Variants in ARHGAP32 observed in about 807,000 individuals in gnomAD.
ARHGAP32 encodes rho GTPase-activating protein 32.
In ARHGAP32, 51 loss-of-function variants were observed where a neutral mutation model predicts 186.5. The observed-to-expected ratio is 0.27, with a 90% confidence interval of 0.22 to 0.35. The LOEUF is 0.35. ARHGAP32 is among the 10% of genes least tolerant of loss of function. The pLI, the probability that ARHGAP32 is intolerant of heterozygous loss-of-function variation, is 1.00. For synonymous variants in ARHGAP32, 950 were observed against 964.3 expected, an observed-to-expected ratio of 0.99 and a Z score of 0.27; for missense variants, 2,186 against 2,623.5, an observed-to-expected ratio of 0.83 and a Z score of 3.64.
intron 5 of ARHGAP32, among the ~76,000 whole-genome samples, chr11:129,109,435 T>A (rs1201284343): frequency 6.6e-6 from 1 of 152,106 alleles, no homozygotes; most frequent in East Asian, 1.9e-4. Context: ...TTTAGATACA[T>A]ATGCAGTAGT....
chr11:129,204,734 C>T (rs1944495789), intron 1 of ARHGAP32, among the ~76,000 whole-genome samples: 1 of 152,168 alleles, frequency 6.6e-6, no homozygotes, highest in East Asian at 1.9e-4. Context: ...TACTAGAGAC[C>T]ATTCAACTAC....
chr11:129,013,697 T>C (rs1938199926), intron 11 of ARHGAP32, among the ~76,000 whole-genome samples: 1 of 152,208 alleles, frequency 6.6e-6, no homozygotes, highest in Admixed American at 6.5e-5. Flanking sequence ...CAAATATAAA[T>C]CTCTTAAATT....
In ARHGAP32 at chr11:129,089,739, T is replaced by C. The variant is rs145914309; in HGVS notation, c.531+3882A>G. Reference sequence around the variant, plus strand: ...TTTACATTTTATACCATTCTGGCAGTTTATAAGGTTATAATAGATTATAGG... The same window carrying C: ...TTTACATTTTATACCATTCTGGCAGCTTATAAGGTTATAATAGATTATAGG... On this transcript the variant is annotated intron_variant, in intron 6 of 22. Coordinates refer to ENST00000682385, the MANE Select transcript of ARHGAP32 (RefSeq NM_001378024.1). 5.2e-3 allele frequency among the ~76,000 whole-genome samples: 787 copies of C among 152,316 alleles called. 4 individuals are homozygous for C. Among genetic ancestry groups the C allele is most frequent in the South Asian group, 0.01 (50 of 4,826 alleles).
intron 1 of ARHGAP32, among the ~76,000 whole-genome samples, chr11:129,172,710 A>T (rs1943794248): frequency 6.6e-6 from 1 of 152,192 alleles, no homozygotes; most frequent in African/African-American, 2.4e-5. Context: ...GAAATAAAGA[A>T]ATTAAGGCAG....
intron 12 of ARHGAP32, chr11:128,993,215 C>T (rs1274162436): frequency 6.6e-6 from 1 of 152,036 alleles, no homozygotes; most frequent in African/African-American, 2.4e-5. Flanking sequence ...TTTAGCAAAA[C>T]AAAATTTAAA....
chr11:128,977,662 C>T (rs535211326), intron 19 of ARHGAP32, among the ~76,000 whole-genome samples: 38 of 152,034 alleles, frequency 2.5e-4, no homozygotes, highest in Non-Finnish European at 5.0e-4. Context: ...CCTACCACAA[C>T]TGTCTCATGT....
At chr11:129,042,676 T>C (rs1939644788) in intron 10 of ARHGAP32, among the ~76,000 whole-genome samples, 1 of 152,214 alleles carries the variant, frequency 6.6e-6, no homozygotes. Context: ...AGGTCGTAAA[T>C]TAAACAAATG....
At chr11:129,277,448 A>G (rs145542714) in intron 1 of ARHGAP32, among the ~76,000 whole-genome samples, 8 of 152,292 alleles carry the variant, frequency 5.3e-5, no homozygotes, top group African/African-American at 1.9e-4. Context: ...CAGTTACATA[A>G]CTGGAGAAGG....
chr11:129,178,417 T>G (rs1320914128), intron 1 of ARHGAP32, among the ~76,000 whole-genome samples: 5 of 151,964 alleles, frequency 3.3e-5, no homozygotes, highest in Admixed American at 6.6e-5. Context: ...ACCAATGACT[T>G]TCTTCACAGA....
At chr11:128,985,866 A>ATATATG (rs1565357788) in intron 15 of ARHGAP32, 137 bp downstream of exon 15, 5 of 193,922 alleles carry the variant, frequency 2.6e-5, no homozygotes, top group African/African-American at 1.3e-4. Context: ...GTGTATATAT[A>ATATATG]TATATATATA....
intron 10 of ARHGAP32, among the ~76,000 whole-genome samples, chr11:129,047,156 T>C (rs143772133): frequency 1.5e-3 from 224 of 152,188 alleles, no homozygotes; most frequent in Non-Finnish European, 2.5e-3. Flanking sequence ...TTCTCTTCTA[T>C]TGGTTTATTT....
chr11:129,249,517 G>C (rs1188287282), intron 1 of ARHGAP32, among the ~76,000 whole-genome samples: 8 of 152,128 alleles, frequency 5.3e-5, no homozygotes, highest in Admixed American at 5.2e-4. Context: ...TACAATCTAA[G>C]ACACTGCTGC....
At chr11:129,220,115 A>G (rs1344367837) in intron 1 of ARHGAP32, among the ~76,000 whole-genome samples, 2 of 152,198 alleles carry the variant, frequency 1.3e-5, no homozygotes, top group Non-Finnish European at 2.9e-5. Context: ...TCACTTAACA[A>G]TGAATATGTT....
chr11:129,231,460 T>C (rs1328183755), intron 1 of ARHGAP32, among the ~76,000 whole-genome samples: 2 of 152,166 alleles, frequency 1.3e-5, no homozygotes, highest in Non-Finnish European at 2.9e-5. Flanking sequence ...TATACAACTT[T>C]AAATTTTTAA....
chr11:129,013,022 A>G (rs764213893), intron 11 of ARHGAP32, among the ~76,000 whole-genome samples: 1 of 152,236 alleles, frequency 6.6e-6, no homozygotes, highest in Non-Finnish European at 1.5e-5. Flanking sequence ...GACATTAGGT[A>G]ACTGACTCTG....
intron 11 of ARHGAP32, among the ~76,000 whole-genome samples, chr11:129,004,245 C>CTTTTTTTTTTTT (rs71057919): frequency 1.7e-5 from 2 of 116,384 alleles, no homozygotes; most frequent in Admixed American, 9.2e-5. Context: ...CAATGCTTTC[C>CTTTTTTTTTTTT]TTTTTTTTTT....
chr11:129,230,946 C>G (rs184839554), intron 1 of ARHGAP32, among the ~76,000 whole-genome samples: 13 of 152,126 alleles, frequency 8.5e-5, no homozygotes, highest in Non-Finnish European at 1.2e-4. Context: ...ACCAGCCTGG[C>G]CAACATGGTG....
intron 5 of ARHGAP32, among the ~76,000 whole-genome samples, chr11:129,098,295 TA>T (rs1337559897): frequency 6.6e-6 from 1 of 152,254 alleles, no homozygotes; most frequent in East Asian, 1.9e-4. Flanking sequence ...TGGGCAATTA[TA>T]AAAGCCTGTA....
At chr11:129,204,445 C>T (rs1414145831) in intron 1 of ARHGAP32, among the ~76,000 whole-genome samples, 1 of 152,134 alleles carries the variant, frequency 6.6e-6, no homozygotes, top group African/African-American at 2.4e-5. Flanking sequence ...AAAAGTTGTA[C>T]TAAGTTTTCA....
Sources: allele counts gnomAD v4.1 joint callset (sites outside exome capture counted in the v4.1 genomes callset), GRCh38; gene constraint gnomAD v4.1.1; transcripts MANE v1.5; gene names NCBI Gene and HGNC (gene_info 2026-07-23, HGNC 2026-07-21).